NUFIP2: variants seen among roughly 807,000 people sequenced by gnomAD.
The protein encoded by NUFIP2 is FMR1-interacting protein NUFIP2.
NUFIP2 carries 6 observed loss-of-function variants against 56.9 expected under a neutral mutation model. The ratio of observed to expected loss-of-function variants is 0.11; its 90% CI spans 0.06 to 0.21. The LOEUF (loss-of-function observed/expected upper bound fraction) is 0.21, where lower values mean the gene tolerates loss of function less well. Ranked by LOEUF, NUFIP2 falls within the 10% of genes least tolerant of loss-of-function variation. NUFIP2 has a pLI of 1.00. For missense variants in NUFIP2, 828 were observed against 826.8 expected (o/e 1.00, Z -0.02); for synonymous variants, 321 against 298.2 (o/e 1.08, Z -0.79).
chr17:29,289,656 G>A (rs2069198992), intron 1 of NUFIP2, among the ~76,000 whole-genome samples: 1 of 152,122 alleles, frequency 6.6e-6, no homozygotes, highest in South Asian at 2.1e-4. Context: ...AAGGCAGCAG[G>A]AAGTGAGGAG....
Position 29,262,001 on chromosome 17 carries a change from G to A in NUFIP2, c.*2538C>T, listed in dbSNP as rs1158092539. On this transcript the variant is annotated 3_prime_UTR_variant, in exon 4 of 4. Transcript: ENST00000225388. ...ATTCTTTTTGGCTTCTCTGAACACT[G>A]AGGCCTGAGGGATATGGAAGGAAAT... 1 of 152,434 alleles carries A rather than the reference G, an allele frequency of 6.6e-6. No individual in the cohort carries two copies. Among genetic ancestry groups the A allele is most frequent in the Non-Finnish European group, 1.5e-5 (1 of 68,002 alleles). The allele number at this position is 152,434 out of a possible 1,614,324, so 9.4% of individuals were successfully genotyped here. A position where few individuals can be genotyped will look rare whatever the true frequency, so the allele number is the denominator to read the frequency against.
rs1468867395 is a variant in NUFIP2, at chr17:29,264,561, G to A, written c.2066C>T (p.Ala689Val). The stretch of plus-strand genomic sequence containing the variant: ...CCTTCATTGATCTGGACTATCCATG[G>A]CTTCATTGTAAGTGATTATCCTTTT... ...DPKRIITYNEAMDSPDQ is the reference protein window; with the variant it reads ...DPKRIITYNEVMDSPDQ The change falls in exon 4 of 4, where the codon GCC (alanine) becomes GTC (valine). Residue 689 changes from alanine to valine, a missense_variant. Physicochemically the swap from Ala to Val is moderately conservative, Grantham distance 64 (BLOSUM62 0). Around this residue, in one of 3 missense-constraint regions of NUFIP2, gnomAD observed 404 missense variants for 380.3 expected, o/e 1.06. Coordinates refer to ENST00000225388, the MANE Select transcript of NUFIP2 (RefSeq NM_020772.3). 2.5e-6 allele frequency: 4 copies of A among 1,607,390 alleles called. No homozygotes were observed. The highest frequency in any genetic ancestry group is 1.7e-5 in the Admixed American group (1 of 59,958).
rs759231690 is a variant in NUFIP2 at position 29,286,748 on chromosome 17, T to C, written c.1246A>G (p.Asn416Asp). ...LKSVTSANFS[N>D]GPVLAGTDGN... ...TCAGTCCCTGCTAAAACAGGCCCAT[T>C]AGAAAAGTTGGCAGAAGTAACAGAT... The change falls in exon 2 of 4, where the codon AAT becomes GAT. Residue 416 changes from asparagine (N) to aspartate (D), a missense_variant. Asn to Asp is a conservative substitution (Grantham distance 23). This residue lies in a region of NUFIP2 where 404 missense variants were observed against 380.3 expected (regional missense o/e 1.06). Transcript: ENST00000225388. 1.7e-5 allele frequency: 28 copies of C among 1,613,828 alleles called. No homozygotes were observed. Among genetic ancestry groups the C allele is most frequent in the Middle Eastern group, 1.6e-4 (1 of 6,084 alleles).
chr17:29,263,302 G>A lies in NUFIP2; in HGVS notation c.*1237C>T, dbSNP rs908959151. ...GGCTAATGCTCTTCTCTGCCCCAAA[G>A]AAAATTTCCAGAATTTCACATTATT... On this transcript the variant is annotated 3_prime_UTR_variant, in exon 4 of 4. Coordinates refer to ENST00000225388, the MANE Select transcript of NUFIP2 (RefSeq NM_020772.3). The A allele has an allele frequency of 3.9e-5, 6 of 152,458 alleles. No individual in the cohort carries two copies. In the East Asian group the frequency reaches 1.2e-3, roughly 29 times the overall value. The allele number at this position is 152,458 out of a possible 1,614,324, so 9.4% of individuals were successfully genotyped here.
intron 2 of NUFIP2, among the ~76,000 whole-genome samples, chr17:29,271,640 C>T (rs537936511): frequency 6.6e-6 from 1 of 152,212 alleles, no homozygotes; most frequent in Non-Finnish European, 1.5e-5. Flanking sequence ...TTAATTACTT[C>T]TTTGACTACT....
At chr17:29,270,607 TGAA>T (rs1329517867) in intron 2 of NUFIP2, among the ~76,000 whole-genome samples, 1 of 152,152 alleles carries the variant, frequency 6.6e-6, no homozygotes, top group Non-Finnish European at 1.5e-5. Context: ...AATAAATTCC[TGAA>T]GAATTATGTA....
At chr17:29,266,467 G>A (rs896280534) in intron 3 of NUFIP2, among the ~76,000 whole-genome samples, 1 of 151,828 alleles carries the variant, frequency 6.6e-6, no homozygotes, top group Admixed American at 6.6e-5. Context: ...TTCAAGTCCT[G>A]AAATTCTAGG....
rs1442813844 is a variant in NUFIP2, at chr17:29,278,408, G to A, written c.2002+7584C>T. 7.2e-5 allele frequency among the ~76,000 whole-genome samples: 11 copies of A among 151,948 alleles called. No individual in the cohort carries two copies. The South Asian group carries it at 8.3e-4, about 12-fold the overall frequency. ...ACTACAGGTACCCGCCACTGCGCCC[G>A]GCTAATTTTTTGTATTTTTAGTAGA... On this transcript the variant is annotated intron_variant, in intron 2 of 3. Coordinates refer to ENST00000225388, the MANE Select transcript of NUFIP2 (RefSeq NM_020772.3).
rs2069007684 is a variant in NUFIP2 at position 29,262,229 on chromosome 17, G to A, written c.*2310C>T. 6.6e-6 allele frequency: 1 copy of A among 152,452 alleles called. No homozygotes were observed. The highest frequency in any genetic ancestry group is 2.4e-5 in the African/African-American group (1 of 41,400). 9.4% of individuals were successfully genotyped at this position (152,452 alleles called of 1,614,324 possible). A position where few individuals can be genotyped will look rare whatever the true frequency, so the allele number is the denominator to read the frequency against. On this transcript the variant is annotated 3_prime_UTR_variant, in exon 4 of 4. Transcript: ENST00000225388. ...TTTAAAATTCCAGGCAAGCAAAATGGACATTTAAAAAAGGGGACTAGAGAG... is the reference window on the plus strand; with the variant it reads ...TTTAAAATTCCAGGCAAGCAAAATGAACATTTAAAAAAGGGGACTAGAGAG...
At chr17:29,285,428 T>C (rs2069166819) in intron 2 of NUFIP2, among the ~76,000 whole-genome samples, 1 of 151,720 alleles carries the variant, frequency 6.6e-6, no homozygotes, top group South Asian at 2.1e-4. Context: ...CCGTCTCTAC[T>C]AAAAATACAA....
At chr17:29,280,119 C>A (rs1322663064) in intron 2 of NUFIP2, among the ~76,000 whole-genome samples, 1 of 152,110 alleles carries the variant, frequency 6.6e-6, no homozygotes, top group Non-Finnish European at 1.5e-5. Context: ...CCGGCCCCAG[C>A]CTATTTTTAA....
chr17:29,284,745 AGTT>A (rs2069162059), intron 2 of NUFIP2, among the ~76,000 whole-genome samples: 1 of 151,468 alleles, frequency 6.6e-6, no homozygotes, highest in Non-Finnish European at 1.5e-5. Context: ...AAGAAAAGAA[AGTT>A]ATTAGCGTGA....
chr17:29,255,916 T>C lies in NUFIP2; in HGVS notation c.*8623A>G, dbSNP rs146779011. ...ATCTACAAATTTCTCAAGTTTTTTT[T>C]CTGATAAAATAAGTAAATCTGGGTA... On this transcript the variant is annotated 3_prime_UTR_variant, in exon 4 of 4. Coordinates refer to ENST00000225388, the MANE Select transcript of NUFIP2 (RefSeq NM_020772.3). 2.0e-5 allele frequency: 3 copies of C among 152,352 alleles called. No individual in the cohort carries two copies. Among genetic ancestry groups the C allele is most frequent in the South Asian group, 2.1e-4 (1 of 4,832 alleles). 9.4% of individuals were successfully genotyped at this position (152,352 alleles called of 1,614,324 possible). A position where few individuals can be genotyped will look rare whatever the true frequency, so the allele number is the denominator to read the frequency against.
At chr17:29,280,814 C>T (rs868540256) in intron 2 of NUFIP2, among the ~76,000 whole-genome samples, 9 of 152,074 alleles carry the variant, frequency 5.9e-5, no homozygotes, top group South Asian at 4.1e-4. Flanking sequence ...GGCGAAACCC[C>T]GTCTCTACTA....
rs138318801 is a variant in NUFIP2 at position 29,266,074 on chromosome 17, G to A, written c.2035+1424C>T. ...CAACCTCCATCTCTTGTGTTCAAGC[G>A]ATTCTCCTGGCTCAGCCTCCCTAGT... is the stretch of plus-strand genomic sequence containing the variant. On this transcript the variant is annotated intron_variant, in intron 3 of 3. Coordinates refer to ENST00000225388, the MANE Select transcript of NUFIP2 (RefSeq NM_020772.3). Among the ~76,000 whole-genome samples the A allele has an allele frequency of 1.7e-4, 26 of 152,214 alleles. No homozygotes were observed. In the East Asian group the frequency reaches 3.9e-3, roughly 23 times the overall value.
Position 29,286,665 on chromosome 17 carries a change from T to C in NUFIP2, c.1329A>G (p.Leu443=), listed in dbSNP as rs201610700. The change falls in exon 2 of 4, where the codon CTA becomes CTG. Residue 443 remains leucine (L), a synonymous_variant. Transcript: ENST00000225388. ...QPLLTTAANT[L]TPISSGTDSV... ...AATCTGTCCCAGAAGAGATGGGTGT[T>C]AGAGTATTAGCAGCAGTAGTTAGCA... 12 of 1,614,110 alleles carry C rather than the reference T, an allele frequency of 7.4e-6. No homozygotes were observed. The East Asian group carries it at 1.8e-4, about 24-fold the overall frequency.
intron 2 of NUFIP2, among the ~76,000 whole-genome samples, chr17:29,273,705 G>T (rs1000085198): frequency 2.0e-5 from 3 of 152,116 alleles, no homozygotes; most frequent in Non-Finnish European, 2.9e-5. Context: ...CTAAGTAAAA[G>T]TTTTTGCTCT....
chr17:29,282,823 T>C (rs1023098261), intron 2 of NUFIP2, among the ~76,000 whole-genome samples: 17 of 152,054 alleles, frequency 1.1e-4, no homozygotes, highest in Non-Finnish European at 2.5e-4. Context: ...TTAAAGGATA[T>C]TCCAGTAGCC....
chr17:29,274,991 C>T (rs1322229108), intron 2 of NUFIP2, among the ~76,000 whole-genome samples: 1 of 151,398 alleles, frequency 6.6e-6, no homozygotes, highest in Non-Finnish European at 1.5e-5. Context: ...AGAATTGCAG[C>T]AATGATATGG....
Sources: gnomAD v4.1 joint callset for allele counts (sites outside exome capture counted in the v4.1 genomes callset) on GRCh38, gnomAD v4.1.1 for gene constraint, gnomAD v4.1.1 regional missense constraint, MANE v1.5 for transcripts, NCBI Gene and HGNC (gene_info 2026-07-23, HGNC 2026-07-21) for gene names.